The following HS6ST3 variants were observed in gnomAD, a reference collection of about 807,000 sequenced individuals.
HS6ST3 encodes heparan sulfate 6-O-sulfotransferase 3, also known as heparan-sulfate 6-O-sulfotransferase 3.
Under a neutral mutation model 36.7 loss-of-function variants are expected in HS6ST3, and 12 were observed. That is an observed-to-expected ratio of 0.33 (90% confidence interval 0.21 to 0.53). The LOEUF is 0.53. HS6ST3 is among the 20% of genes least tolerant of loss of function. The pLI is 0.95. For synonymous variants in HS6ST3, 240 were observed against 257.5 expected (o/e 0.93, Z 0.65); for missense variants, 584 against 640.9 (o/e 0.91, Z 0.96).
intron 1 of HS6ST3, among the ~76,000 whole-genome samples, chr13:96,229,780 G>C (rs1023178956): frequency 9.2e-5 from 14 of 151,548 alleles, no homozygotes; most frequent in African/African-American, 3.2e-4. Context: ...CTCAGGGGGA[G>C]ACCCCCCCCT....
At chr13:96,658,969 A>T (rs1050822833) in intron 1 of HS6ST3, among the ~76,000 whole-genome samples, 2 of 152,072 alleles carry the variant, frequency 1.3e-5, no homozygotes, top group Non-Finnish European at 2.9e-5. Flanking sequence ...TGCCTCCCAA[A>T]GTGCTGGGAT....
intron 1 of HS6ST3, among the ~76,000 whole-genome samples, chr13:96,422,660 C>T (rs2055567691): frequency 6.6e-6 from 1 of 152,170 alleles, no homozygotes; most frequent in South Asian, 2.1e-4. Context: ...AGAACTAATT[C>T]TGTTAGAGCT....
chr13:96,649,753 A>C (rs761262428), intron 1 of HS6ST3, among the ~76,000 whole-genome samples: 1 of 151,866 alleles, frequency 6.6e-6, no homozygotes, highest in Non-Finnish European at 1.5e-5. Flanking sequence ...CTCAATGTAC[A>C]CTCAAAGTAA....
At chr13:96,554,614 CA>C (rs1363532581) in intron 1 of HS6ST3, among the ~76,000 whole-genome samples, 1 of 152,180 alleles carries the variant, frequency 6.6e-6, no homozygotes, top group Non-Finnish European at 1.5e-5. Flanking sequence ...CACAAAATCC[CA>C]TTTTCATCTA....
intron 1 of HS6ST3, among the ~76,000 whole-genome samples, chr13:96,305,729 T>A (rs1012446274): frequency 8.5e-5 from 13 of 152,206 alleles, no homozygotes; most frequent in Non-Finnish European, 1.6e-4. Flanking sequence ...TGTCCCACAG[T>A]AATATACATA....
At chr13:96,433,874 G>A (rs1022424736) in intron 1 of HS6ST3, among the ~76,000 whole-genome samples, 3 of 152,202 alleles carry the variant, frequency 2.0e-5, no homozygotes, top group African/African-American at 7.2e-5. Context: ...GGCGGAGGCT[G>A]CAGTGAGCCG....
rs1878932655 is a variant in HS6ST3, at chr13:96,836,578, T to G, written c.*3380T>G. On this transcript the variant is annotated 3_prime_UTR_variant, in exon 2 of 2. Coordinates refer to ENST00000376705, the MANE Select transcript of HS6ST3 (RefSeq NM_153456.4). ...CTAAAGGAGGTAACTTTGTGATAAT[T>G]AGTTTGATTAAAAGTTTGAAGTATG... The G allele has an allele frequency of 6.6e-6, 1 of 152,170 alleles. No individual in the cohort carries two copies. The highest frequency in any genetic ancestry group is 6.5e-5 in the Admixed American group (1 of 15,278). The allele number at this position is 152,170 out of a possible 1,614,324, so 9.4% of individuals were successfully genotyped here.
intron 1 of HS6ST3, among the ~76,000 whole-genome samples, chr13:96,466,908 T>G (rs77248334): frequency 0.32 from 48,109 of 152,206 alleles, 9,397 homozygotes; most frequent in Non-Finnish European, 0.44. Flanking sequence ...TAGAAGATAG[T>G]GGGTACCCCT....
chr13:96,231,902 A>C (rs1412504818), intron 1 of HS6ST3, among the ~76,000 whole-genome samples: 1 of 152,208 alleles, frequency 6.6e-6, no homozygotes, highest in Non-Finnish European at 1.5e-5. Flanking sequence ...TGTAAATACA[A>C]GCTATTGTTC....
At chr13:96,181,246 A>T (rs2139340085) in intron 1 of HS6ST3, among the ~76,000 whole-genome samples, 1 of 152,264 alleles carries the variant, frequency 6.6e-6, no homozygotes, top group South Asian at 2.1e-4. Context: ...TATATTACAG[A>T]CCTTTTTTTC....
At chr13:96,751,413 A>G (rs1218560588) in intron 1 of HS6ST3, among the ~76,000 whole-genome samples, 1 of 152,120 alleles carries the variant, frequency 6.6e-6, no homozygotes, top group Admixed American at 6.6e-5. Flanking sequence ...CCTGAGAGCC[A>G]CCAGAAACTG....
intron 1 of HS6ST3, among the ~76,000 whole-genome samples, chr13:96,107,217 C>A (rs2053845841): frequency 6.6e-6 from 1 of 152,038 alleles, no homozygotes; most frequent in African/African-American, 2.4e-5. Context: ...AGTAGGAGTG[C>A]TGGAGAGTTG....
At chr13:96,534,488 T>C (rs973874850) in intron 1 of HS6ST3, among the ~76,000 whole-genome samples, 2 of 152,220 alleles carry the variant, frequency 1.3e-5, no homozygotes, top group African/African-American at 4.8e-5. Context: ...CTAAATGCAA[T>C]AATTTATTAA....
intron 1 of HS6ST3, among the ~76,000 whole-genome samples, chr13:96,823,108 C>G (rs1878570734): frequency 6.6e-6 from 1 of 152,212 alleles, no homozygotes. Flanking sequence ...TCCCAGGCAG[C>G]CATGCTCTCT....
intron 1 of HS6ST3, among the ~76,000 whole-genome samples, chr13:96,170,280 A>G (rs1023336618): frequency 2.0e-5 from 3 of 152,254 alleles, no homozygotes; most frequent in African/African-American, 7.2e-5. Flanking sequence ...CATCTTACAG[A>G]TAAGGACACC....
chr13:96,582,579 G>A (rs2056345869), intron 1 of HS6ST3, among the ~76,000 whole-genome samples: 1 of 152,152 alleles, frequency 6.6e-6, no homozygotes, highest in Admixed American at 6.5e-5. Flanking sequence ...AGATACTGGA[G>A]GGATATCCTG....
At chr13:96,614,323 A>AAAAAAAG (rs2056466715) in intron 1 of HS6ST3, among the ~76,000 whole-genome samples, 1 of 136,100 alleles carries the variant, frequency 7.3e-6, no homozygotes, top group Non-Finnish European at 1.6e-5. Context: ...AAAAAAAAAA[A>AAAAAAAG]AAAAACAGTT....
chr13:96,370,108 A>C (rs536099090), intron 1 of HS6ST3, among the ~76,000 whole-genome samples: 5 of 152,148 alleles, frequency 3.3e-5, no homozygotes, highest in Admixed American at 6.5e-5. Flanking sequence ...AAACAAAAAC[A>C]AAAGAGAATA....
At chr13:96,736,612 G>A (rs180679921) in intron 1 of HS6ST3, among the ~76,000 whole-genome samples, 137 of 152,280 alleles carry the variant, frequency 9.0e-4, no homozygotes, top group Middle Eastern at 3.4e-3. Flanking sequence ...TCATGTAAGT[G>A]TGTGTATATG....
Sources: gnomAD v4.1 joint callset for allele counts (sites outside exome capture counted in the v4.1 genomes callset) on GRCh38, gnomAD v4.1.1 for gene constraint, MANE v1.5 for transcripts, NCBI Gene and HGNC (gene_info 2026-07-23, HGNC 2026-07-21) for gene names.